CCDC33: variants seen among roughly 807,000 people sequenced by gnomAD.
CCDC33 encodes the protein coiled-coil domain containing 33.
In CCDC33, 94 loss-of-function variants were observed where a neutral mutation model predicts 91.9. That is an observed-to-expected ratio of 1.02 (90% CI 0.87 to 1.21). CCDC33 has a LOEUF of 1.21. Among genes scored for constraint, CCDC33 ranks in the 50% most tolerant of loss-of-function variants. The pLI is 0.00. For synonymous variants in CCDC33, 396 were observed against 374.5 expected (o/e 1.06, Z -0.66); for missense variants, 940 against 935.5 (o/e 1.00, Z -0.06).
intron 2 of CCDC33, chr15:74,212,062 T>C (rs1595872881): frequency 6.6e-6 from 1 of 152,566 alleles, no homozygotes; most frequent in East Asian, 1.9e-4. Context: ...ATCTCTGATC[T>C]TGGGCCTTGT....
intron 7 of CCDC33, among the ~76,000 whole-genome samples, chr15:74,274,740 C>T (rs1465189069): frequency 6.6e-6 from 1 of 152,268 alleles, no homozygotes; most frequent in East Asian, 1.9e-4. Flanking sequence ...CTCCCACCCC[C>T]AGGCTTTCTC....
Position 74,210,375 on chromosome 15 carries a change from G to A in CCDC33, n.236+841G>A, listed in dbSNP as rs533798555. 2.6e-5 allele frequency among the ~76,000 whole-genome samples: 4 copies of A among 152,164 alleles called. No homozygotes were observed. The East Asian group carries it at 7.7e-4, about 29-fold the overall frequency. On this transcript the variant is annotated intron_variant and non_coding_transcript_variant, in intron 2 of 3. Transcript: ENST00000558645. ...GAATGAGGTAATTCTCTGGACTGACGTGGCAGAACCTCCAAGACATATTGC... is the reference window on the plus strand; with the variant it reads ...GAATGAGGTAATTCTCTGGACTGACATGGCAGAACCTCCAAGACATATTGC...
At chr15:74,317,077 G>A (rs906566665) in intron 11 of CCDC33, among the ~76,000 whole-genome samples, 1 of 152,168 alleles carries the variant, frequency 6.6e-6, no homozygotes, top group African/African-American at 2.4e-5. Context: ...AAAGTGGAGT[G>A]GGCCAGGTGC....
chr15:74,227,357 C>T (rs2074835074), intron 2 of CCDC33, among the ~76,000 whole-genome samples: 1 of 152,210 alleles, frequency 6.6e-6, no homozygotes, highest in African/African-American at 2.4e-5. Flanking sequence ...CAAGCTGTTC[C>T]TCAGCCCATG....
Position 74,207,904 on chromosome 15 carries a change from C to G in CCDC33, n.90-1484C>G, listed in dbSNP as rs1238093968. On this transcript the variant is annotated intron_variant and non_coding_transcript_variant, in intron 1 of 3. Coordinates refer to the CCDC33 transcript ENST00000558645. ...GCTGGAAGGCAGTGTCGTCGGCTGC[C>G]GTGCTCACGGCAGGAAGAGTATGGG... 1.0e-5 allele frequency: 15 copies of G among 1,485,362 alleles called. No individual in the cohort carries two copies. The African/African-American group carries it at 1.1e-4, about 11-fold the overall frequency. The allele number at this position is 1,485,362 out of a possible 1,614,324, so 92.0% of individuals were successfully genotyped here.
At chr15:74,248,084 A>AT (rs1261173731) in intron 2 of CCDC33, among the ~76,000 whole-genome samples, 2 of 152,128 alleles carry the variant, frequency 1.3e-5, no homozygotes, top group East Asian at 3.9e-4. Context: ...CTAAAAAAAA[A>AT]AAGATATTAT....
chr15:74,280,080 TC>T lies in CCDC33; in HGVS notation c.879del (p.Ser294GlnfsTer4). 6.2e-7 allele frequency: 1 copy of T among 1,614,028 alleles called. No homozygotes were observed. The highest frequency in any genetic ancestry group is 1.1e-5 in the South Asian group (1 of 91,062). ...CACAGCCCTGGTGCTGGAGTACTAC[TC>T]CTCAACTTCAAGTACGTGACCCCTG... ...EDTALVLEYY[S>X]STSMKGSQPW... On this transcript the variant is annotated frameshift_variant, in exon 8 of 19. Transcript: ENST00000398814. LOFTEE classifies it high-confidence loss of function.
At chr15:74,253,421 C>T (rs2075769121) in intron 2 of CCDC33, among the ~76,000 whole-genome samples, 2 of 152,178 alleles carry the variant, frequency 1.3e-5, no homozygotes, top group African/African-American at 4.8e-5. Flanking sequence ...CTCTGGGCAC[C>T]GATTAGGCTC....
chr15:74,333,235 G>A (rs1449302284), intron 16 of CCDC33: 5 of 1,596,790 alleles, frequency 3.1e-6, no homozygotes, highest in Admixed American at 3.5e-5. Context: ...ACCCCGGGGA[G>A]TTGGGAGCAG....
chr15:74,265,203 C>A (rs528824392), intron 3 of CCDC33, among the ~76,000 whole-genome samples: 2 of 152,188 alleles, frequency 1.3e-5, no homozygotes, highest in South Asian at 2.1e-4. Flanking sequence ...GCCCGCTGAA[C>A]CTGCTGAGCC....
chr15:74,216,014 G>T (rs568922499), upstream of CCDC33, among the ~76,000 whole-genome samples: 6 of 152,346 alleles, frequency 3.9e-5, no homozygotes, highest in South Asian at 1.2e-3. Flanking sequence ...GGCCCTGCTT[G>T]CAGGGGATGG....
In CCDC33 at chr15:74,266,771, A is replaced by G; in HGVS notation, c.413A>G (p.His138Arg). Residue 138 changes from histidine to arginine, a missense_variant, in exon 4 of 19, where the codon CAC becomes CGC. Transcript: ENST00000398814. Reference protein sequence around the residue: ...IKYLRVFHPYHFELVKPTESG... With the variant: ...IKYLRVFHPYRFELVKPTESG... The stretch of plus-strand genomic sequence containing the variant: ...TACCTGCGTGTCTTCCACCCCTACC[A>G]CTTTGAGCTGGTGAAGGTGAGTCAG... 1 of 1,613,640 alleles carries G rather than the reference A, an allele frequency of 6.2e-7. No homozygotes were observed. The highest frequency in any genetic ancestry group is 8.5e-7 in the Non-Finnish European group (1 of 1,179,592).
intron 3 of CCDC33, among the ~76,000 whole-genome samples, chr15:74,262,966 G>A (rs917731353): frequency 2.0e-5 from 3 of 152,096 alleles, no homozygotes; most frequent in Non-Finnish European, 4.4e-5. Context: ...AGAGAACATC[G>A]AGGTTCAGGG....
At chr15:74,256,179 G>A (rs1040251744) in intron 2 of CCDC33, among the ~76,000 whole-genome samples, 1 of 152,120 alleles carries the variant, frequency 6.6e-6, no homozygotes, top group Admixed American at 6.5e-5. Flanking sequence ...CCAGGAAGGC[G>A]GCCATCCAGG....
At chr15:74,288,518 TA>T (rs2059522673) in intron 10 of CCDC33, among the ~76,000 whole-genome samples, 2 of 152,202 alleles carry the variant, frequency 1.3e-5, no homozygotes, top group Non-Finnish European at 2.9e-5. Context: ...GGTTCTATTT[TA>T]GTATTTATCA....
At chr15:74,292,867 A>G (rs1163478324) in intron 10 of CCDC33, among the ~76,000 whole-genome samples, 1 of 152,060 alleles carries the variant, frequency 6.6e-6, no homozygotes. Context: ...TCCTTCCCCG[A>G]GCCCACCCCC....
intron 2 of CCDC33, among the ~76,000 whole-genome samples, chr15:74,230,605 A>G (rs1465264748): frequency 2.0e-5 from 3 of 152,194 alleles, no homozygotes; most frequent in Non-Finnish European, 4.4e-5. Flanking sequence ...AAGCAAATGG[A>G]AGCCGCGTTG....
In CCDC33 at chr15:74,316,216, G is replaced by A. The variant is rs1030743487; in HGVS notation, c.1291-13973G>A. On this transcript the variant is annotated intron_variant, in intron 11 of 18. Coordinates refer to ENST00000398814, the MANE Select transcript of CCDC33 (RefSeq NM_025055.5). This position sits in a 1 kb window ranked among gnomAD's most constrained non-coding sequence, Gnocchi z 4.7. Reference sequence around the variant, plus strand: ...GCAGGCTCAAGTCCCTCAAGGGCGCGGCTTCCCTCCCTCTCAGCAGCCCAC... The same window carrying A: ...GCAGGCTCAAGTCCCTCAAGGGCGCAGCTTCCCTCCCTCTCAGCAGCCCAC... 1.6e-4 allele frequency among the ~76,000 whole-genome samples: 24 copies of A among 152,114 alleles called. No individual in the cohort carries two copies. Among genetic ancestry groups the A allele is most frequent in the South Asian group, 4.1e-4 (2 of 4,834 alleles).
At chr15:74,209,122 G>A in intron 1 of CCDC33, 1 of 1,322,726 alleles carries the variant, frequency 7.6e-7, no homozygotes, top group Non-Finnish European at 9.7e-7. Context: ...TCCGGGATCA[G>A]AGGAACCCAC....
Sources: allele counts gnomAD v4.1 joint callset (sites outside exome capture counted in the v4.1 genomes callset), GRCh38; gene constraint gnomAD v4.1.1; non-coding constraint Gnocchi (gnomAD v3.1); transcripts MANE v1.5; gene names NCBI Gene and HGNC (gene_info 2026-07-23, HGNC 2026-07-21).